The following ASPG variants were observed in gnomAD, a reference collection of about 807,000 sequenced individuals.
ASPG encodes the protein 60 kDa lysophospholipase.
A neutral mutation model predicts 63.2 loss-of-function variants in ASPG; 53 were observed. The ratio of observed to expected loss-of-function variants is 0.84; its 90% CI spans 0.67 to 1.05. The LOEUF (loss-of-function observed/expected upper bound fraction) is 1.05. Among genes scored for constraint, ASPG ranks in the 50% least tolerant of loss-of-function variants. The pLI, the probability that ASPG is intolerant of heterozygous loss-of-function variation, is 0.00. For missense variants in ASPG, 741 were observed against 794.4 expected (o/e 0.93, Z 0.81); for synonymous variants, 370 against 355.0 (o/e 1.04, Z -0.48).
At chr14:104,102,912 G>C (rs1243874419) in intron 6 of ASPG, among the ~76,000 whole-genome samples, 1 of 152,178 alleles carries the variant, frequency 6.6e-6, no homozygotes, top group Non-Finnish European at 1.5e-5. Flanking sequence ...ACCCACCCTG[G>C]GTGTGGGGAG....
chr14:104,099,575 G>A (rs1402642014), intron 6 of ASPG, among the ~76,000 whole-genome samples: 1 of 152,192 alleles, frequency 6.6e-6, no homozygotes, highest in Admixed American at 6.5e-5. Flanking sequence ...TCACTCCCTG[G>A]CCTACCGTCG....
At chr14:104,101,804 C>G (rs546313088) in intron 6 of ASPG, among the ~76,000 whole-genome samples, 1 of 152,202 alleles carries the variant, frequency 6.6e-6, no homozygotes, top group African/African-American at 2.4e-5. Context: ...CCGCATCCAG[C>G]TTTGAGGCCG....
chr14:104,089,097 T>C (rs1233322370), intron 1 of ASPG, among the ~76,000 whole-genome samples: 1 of 152,022 alleles, frequency 6.6e-6, no homozygotes, highest in African/African-American at 2.4e-5. Context: ...CTCAGCTCAC[T>C]GCAAGCTCTG....
At chr14:104,095,459 C>T (rs959700338) in intron 3 of ASPG, 72 bp from the exon 4 acceptor site, 24 of 1,598,014 alleles carry the variant, frequency 1.5e-5, no homozygotes, top group East Asian at 1.1e-4. Flanking sequence ...CGGACCCTTT[C>T]CCCCATGCTG....
At chr14:104,112,034 C>A in intron 15 of ASPG, 34 bp downstream of exon 15, 2 of 1,536,114 alleles carry the variant, frequency 1.3e-6, no homozygotes, top group South Asian at 1.2e-5. Flanking sequence ...CTGACACCCC[C>A]CAGTGAGCTT....
chr14:104,099,075 T>A, intron 6 of ASPG, 96 bp downstream of exon 6: 1 of 1,488,476 alleles, frequency 6.7e-7, no homozygotes, highest in Non-Finnish European at 9.0e-7. Context: ...CGGCAGAGTT[T>A]GAGAGCACCA....
chr14:104,099,299 C>T (rs1216830053), intron 6 of ASPG, among the ~76,000 whole-genome samples: 5 of 152,210 alleles, frequency 3.3e-5, no homozygotes, highest in African/African-American at 9.6e-5. Flanking sequence ...CCCCAGTGAC[C>T]ACCTGGCTCT....
chr14:104,108,591 C>A (rs1177482275), intron 12 of ASPG: 3 of 985,250 alleles, frequency 3.0e-6, no homozygotes, highest in East Asian at 1.1e-4. Flanking sequence ...GCACGGCCAG[C>A]GATTATGGCA....
chr14:104,110,153 G>A lies in ASPG; in HGVS notation c.1520+838G>A, dbSNP rs567514739. 5.1e-6 allele frequency: 5 copies of A among 985,332 alleles called. No homozygotes were observed. Among genetic ancestry groups the A allele is most frequent in the Admixed American group, 6.1e-5 (1 of 16,278 alleles). 61.0% of individuals were successfully genotyped at this position (985,332 alleles called of 1,614,324 possible). On this transcript the variant is annotated intron_variant, in intron 13 of 15. Transcript: ENST00000551177. The surrounding 1 kb of genome is among the most constrained non-coding windows in gnomAD (Gnocchi z 4.7). ...GAGTCGGAGGCAGGAGACCTGGGCC[G>A]GGTGCAGGTGGTGGCTGGGGTGGGG...
chr14:104,097,856 A>G (rs1357133074), intron 5 of ASPG, among the ~76,000 whole-genome samples: 1 of 135,664 alleles, frequency 7.4e-6, no homozygotes, highest in Non-Finnish European at 1.6e-5. Context: ...AGAGATGCAT[A>G]TGGAGGTTCT....
intron 1 of ASPG, among the ~76,000 whole-genome samples, chr14:104,089,009 T>C (rs968027581): frequency 2.0e-5 from 3 of 152,094 alleles, no homozygotes; most frequent in African/African-American, 7.2e-5. Context: ...AGCCGGTGTT[T>C]GTTTATTTTT....
chr14:104,104,002 G>A (rs2037001613), intron 7 of ASPG, among the ~76,000 whole-genome samples: 1 of 152,242 alleles, frequency 6.6e-6, no homozygotes, highest in Non-Finnish European at 1.5e-5. Context: ...TGTTTGCTCT[G>A]GGGCCTCTGA....
chr14:104,097,838 TC>T (rs2036666408), intron 5 of ASPG, among the ~76,000 whole-genome samples: 1 of 143,536 alleles, frequency 7.0e-6, no homozygotes, highest in East Asian at 2.0e-4. Flanking sequence ...GTATGGAGGT[TC>T]TGCGTTAGAG....
At chr14:104,087,979 G>T (rs1000643006) in intron 1 of ASPG, among the ~76,000 whole-genome samples, 1 of 152,158 alleles carries the variant, frequency 6.6e-6, no homozygotes, top group African/African-American at 2.4e-5. Flanking sequence ...TGTGCACTGG[G>T]GTCCTGGCTT....
chr14:104,112,113 T>A, intron 15 of ASPG, 113 bp downstream of exon 15: 1 of 1,029,892 alleles, frequency 9.7e-7, no homozygotes, highest in Non-Finnish European at 1.4e-6. Flanking sequence ...GAGGCTGAGA[T>A]GGGTCCCAGC....
rs1420021863 is a variant in ASPG at position 104,091,386 on chromosome 14, C to CG, written c.83-1244dup. Among the ~76,000 whole-genome samples the CG allele has an allele frequency of 1.3e-5, 2 of 152,128 alleles. No individual in the cohort carries two copies. The highest frequency in any genetic ancestry group is 4.8e-5 in the African/African-American group (2 of 41,418). On this transcript the variant is annotated intron_variant, in intron 1 of 15. Transcript: ENST00000551177. The surrounding 1 kb of genome is among the most constrained non-coding windows in gnomAD (Gnocchi z 6.4). ...GGGCAGACGGGCAGACAAACATGTG[C>CG]GGGCTCCGCCTCCCCCGTCTGCTGG...
chr14:104,108,598 G>A, intron 12 of ASPG: 4 of 985,418 alleles, frequency 4.1e-6, no homozygotes, highest in Non-Finnish European at 3.6e-6. Flanking sequence ...CAGCGATTAT[G>A]GCACAGTCTT....
At position 104,091,295 on chromosome 14, in the gene ASPG, A is replaced by G. The variant is rs543779122; in HGVS notation, c.83-1338A>G. Among the ~76,000 whole-genome samples, 3 of 152,046 alleles carry G rather than the reference A, an allele frequency of 2.0e-5. No individual in the cohort carries two copies. The South Asian group carries it at 6.2e-4, about 32-fold the overall frequency. ...CTGAGGTTGGGTCCTTGGGGTTCAC[A>G]AGGCTGGTGAATCCAGACCTTTGTT... On this transcript the variant is annotated intron_variant, in intron 1 of 15. Coordinates refer to ENST00000551177, the MANE Select transcript of ASPG (RefSeq NM_001080464.3). The surrounding 1 kb of genome is among the most constrained non-coding windows in gnomAD (Gnocchi z 6.4).
At chr14:104,094,487 C>G (rs147754730) in intron 3 of ASPG, among the ~76,000 whole-genome samples, 1 of 152,054 alleles carries the variant, frequency 6.6e-6, no homozygotes, top group African/African-American at 2.4e-5. Context: ...CCCTTCTCCC[C>G]CATCACAACA....
Sources: allele counts gnomAD v4.1 joint callset (sites outside exome capture counted in the v4.1 genomes callset), GRCh38; gene constraint gnomAD v4.1.1; non-coding constraint Gnocchi (gnomAD v3.1); transcripts MANE v1.5; gene names NCBI Gene and HGNC (gene_info 2026-07-23, HGNC 2026-07-21).